CYP7B1: variants seen among roughly 807,000 people sequenced by gnomAD.
CYP7B1 encodes cytochrome P450 family 7 subfamily B member 1.
A neutral mutation model predicts 42.7 loss-of-function variants in CYP7B1; 29 were observed. The observed-to-expected ratio is 0.68, with a 90% confidence interval of 0.51 to 0.93. The LOEUF (loss-of-function observed/expected upper bound fraction) is 0.93. Among genes scored for constraint, CYP7B1 ranks in the 40% least tolerant of loss-of-function variants. The pLI, the probability that CYP7B1 is intolerant of heterozygous loss-of-function variation, is 0.00. For synonymous variants in CYP7B1, 235 were observed against 218.2 expected, an observed-to-expected ratio of 1.08 and a Z score of -0.68; for missense variants, 655 against 600.5, an observed-to-expected ratio of 1.09 and a Z score of -0.95.
At chr8:64,745,332 T>C (rs976042437) in intron 1 of CYP7B1, among the ~76,000 whole-genome samples, 1 of 152,208 alleles carries the variant, frequency 6.6e-6, no homozygotes, top group South Asian at 2.1e-4. Flanking sequence ...AAATAAATTA[T>C]AAAACTTTAA....
chr8:64,677,716 T>TG (rs1227263001), intron 1 of CYP7B1, among the ~76,000 whole-genome samples: 2 of 148,598 alleles, frequency 1.3e-5, no homozygotes, highest in Middle Eastern at 3.2e-3. Flanking sequence ...GTTTTTTTTT[T>TG]TTTTTTTTTT....
At chr8:64,628,712 G>A (rs1805644031) in intron 1 of CYP7B1, among the ~76,000 whole-genome samples, 1 of 151,964 alleles carries the variant, frequency 6.6e-6, no homozygotes, top group South Asian at 2.1e-4. Context: ...TGAAATACTG[G>A]AGAAGAATCT....
chr8:64,632,999 C>T (rs1378464343), intron 1 of CYP7B1, among the ~76,000 whole-genome samples: 1 of 152,038 alleles, frequency 6.6e-6, no homozygotes, highest in Non-Finnish European at 1.5e-5. Flanking sequence ...GGTTTTAAAC[C>T]AGAAGTGACC....
At chr8:64,715,373 A>G (rs746991073) in intron 1 of CYP7B1, among the ~76,000 whole-genome samples, 1 of 152,188 alleles carries the variant, frequency 6.6e-6, no homozygotes, top group Non-Finnish European at 1.5e-5. Flanking sequence ...GGAAAGGGAC[A>G]TAAAAGGGCC....
chr8:64,685,217 G>A (rs1311936871), intron 1 of CYP7B1, among the ~76,000 whole-genome samples: 1 of 150,500 alleles, frequency 6.6e-6, no homozygotes, highest in Non-Finnish European at 1.5e-5. Flanking sequence ...CGCGGGGCCC[G>A]AGGGCAAGGA....
chr8:64,637,320 A>G (rs1805788225), intron 1 of CYP7B1, among the ~76,000 whole-genome samples: 1 of 152,218 alleles, frequency 6.6e-6, no homozygotes, highest in Non-Finnish European at 1.5e-5. Flanking sequence ...GCTTCATAAT[A>G]TGTTAACTCA....
intron 1 of CYP7B1, among the ~76,000 whole-genome samples, chr8:64,755,039 T>C (rs1807786361): frequency 6.6e-6 from 1 of 151,970 alleles, no homozygotes; most frequent in African/African-American, 2.4e-5. Flanking sequence ...GAATGGAGAG[T>C]CATTGAGGCC....
rs1033108689 is a variant in CYP7B1 at position 64,591,568 on chromosome 8, A to G, written c.*5074T>C. ...AGAAGTCACTTGCAGAAAATTACCC[A>G]AATTATTTTTATGATAAAATAAGCA... On this transcript the variant is annotated 3_prime_UTR_variant, in exon 6 of 6. Coordinates refer to ENST00000310193, the MANE Select transcript of CYP7B1 (RefSeq NM_004820.5). Among the ~76,000 whole-genome samples the G allele has an allele frequency of 6.6e-6, 1 of 152,214 alleles. No individual in the cohort carries two copies. Among genetic ancestry groups the G allele is most frequent in the African/African-American group, 2.4e-5 (1 of 41,460 alleles).
intron 1 of CYP7B1, among the ~76,000 whole-genome samples, chr8:64,638,522 A>G (rs901079259): frequency 2.0e-5 from 3 of 152,080 alleles, no homozygotes; most frequent in Non-Finnish European, 2.9e-5. Flanking sequence ...AGTCATTTGG[A>G]GTAACATTTG....
At chr8:64,626,631 T>A (rs1438880211) in intron 1 of CYP7B1, among the ~76,000 whole-genome samples, 1 of 152,252 alleles carries the variant, frequency 6.6e-6, no homozygotes, top group Non-Finnish European at 1.5e-5. Context: ...TTTTTCTTTG[T>A]TGATTTGTAA....
chr8:64,710,475 A>C (rs1203593637), intron 1 of CYP7B1, among the ~76,000 whole-genome samples: 1 of 152,196 alleles, frequency 6.6e-6, no homozygotes, highest in Non-Finnish European at 1.5e-5. Flanking sequence ...TGGAGTAAAT[A>C]CTGTTTAAGT....
At chr8:64,599,350 G>A (rs1029450363) in intron 5 of CYP7B1, among the ~76,000 whole-genome samples, 5 of 151,982 alleles carry the variant, frequency 3.3e-5, no homozygotes, top group African/African-American at 9.7e-5. Context: ...CACCACGCCC[G>A]GCTAATTTTT....
At position 64,592,107 on chromosome 8, in the gene CYP7B1, G is replaced by A. The variant is rs1363789405; in HGVS notation, c.*4535C>T. On this transcript the variant is annotated 3_prime_UTR_variant, in exon 6 of 6. Coordinates refer to ENST00000310193, the MANE Select transcript of CYP7B1 (RefSeq NM_004820.5). Reference sequence around the variant, plus strand: ...GAGGGCTGAGACAAGGGAATTGCTTGAACCCAGGAAGTGGAGGTTGCAGTG... The same window carrying A: ...GAGGGCTGAGACAAGGGAATTGCTTAAACCCAGGAAGTGGAGGTTGCAGTG... Among the ~76,000 whole-genome samples, 3 of 151,792 alleles carry A rather than the reference G, an allele frequency of 2.0e-5. No individual in the cohort carries two copies. The highest frequency in any genetic ancestry group is 7.3e-5 in the African/African-American group (3 of 41,310).
intron 1 of CYP7B1, among the ~76,000 whole-genome samples, chr8:64,758,505 T>C (rs1807840007): frequency 6.6e-6 from 1 of 152,062 alleles, no homozygotes; most frequent in East Asian, 1.9e-4. Context: ...ATAATTTGTT[T>C]CACATTGTTA....
chr8:64,754,446 G>T (rs1408955716), intron 1 of CYP7B1, among the ~76,000 whole-genome samples: 2 of 152,108 alleles, frequency 1.3e-5, no homozygotes, highest in Non-Finnish European at 2.9e-5. Flanking sequence ...AAGTTGAAGT[G>T]CTCACAAAGA....
At chr8:64,758,805 T>C (rs1407553602) in intron 1 of CYP7B1, among the ~76,000 whole-genome samples, 1 of 152,176 alleles carries the variant, frequency 6.6e-6, no homozygotes, top group Non-Finnish European at 1.5e-5. Context: ...AGAGTACTGT[T>C]TCAATAGTAA....
intron 1 of CYP7B1, among the ~76,000 whole-genome samples, chr8:64,698,161 CAGAG>C (rs1378272653): frequency 6.6e-6 from 1 of 152,120 alleles, no homozygotes; most frequent in Non-Finnish European, 1.5e-5. Context: ...TTTTTACTGT[CAGAG>C]AGATCAAAGA....
At chr8:64,751,142 A>T in intron 1 of CYP7B1, among the ~76,000 whole-genome samples, 1 of 152,226 alleles carries the variant, frequency 6.6e-6, no homozygotes. Flanking sequence ...TTAAATTTTA[A>T]AAGTAATGTG....
chr8:64,767,226 G>A (rs541029472), intron 1 of CYP7B1, among the ~76,000 whole-genome samples: 4 of 152,318 alleles, frequency 2.6e-5, no homozygotes, highest in East Asian at 3.9e-4. Flanking sequence ...CCTAACTTCC[G>A]AGGGAACACC....
Sources: allele counts gnomAD v4.1 joint callset (sites outside exome capture counted in the v4.1 genomes callset), GRCh38; gene constraint gnomAD v4.1.1; transcripts MANE v1.5; gene names NCBI Gene and HGNC (gene_info 2026-07-23, HGNC 2026-07-21).